Variants in CYP39A1 observed in about 807,000 individuals in gnomAD.
CYP39A1 encodes the protein cytochrome P450 family 39 subfamily A member 1.
Under a neutral mutation model 58.1 loss-of-function variants are expected in CYP39A1, and 49 were observed. That is an observed-to-expected ratio of 0.84 (90% CI 0.67 to 1.07). The LOEUF is 1.07. CYP39A1 is among the 50% of genes least tolerant of loss of function. The pLI, the probability that CYP39A1 is intolerant of heterozygous loss-of-function variation, is 0.00. For missense variants in CYP39A1, 531 were observed against 539.4 expected, an observed-to-expected ratio of 0.98 and a Z score of 0.16; for synonymous variants, 209 against 187.6, an observed-to-expected ratio of 1.11 and a Z score of -0.93.
At chr6:46,651,914 C>T (rs921628773) in intron 1 of CYP39A1, among the ~76,000 whole-genome samples, 24 of 152,072 alleles carry the variant, frequency 1.6e-4, no homozygotes, top group African/African-American at 4.8e-4. Context: ...CTCTTCAGGC[C>T]GTAGTGAAAA....
Position 46,652,547 on chromosome 6 carries a change from C to T in CYP39A1, c.36G>A (p.Leu12=), listed in dbSNP as rs767749619. The T allele has an allele frequency of 3.1e-6, 5 of 1,610,580 alleles. No homozygotes were observed. The South Asian group carries it at 4.4e-5, about 14-fold the overall frequency. ...GGAGTAAGAACAGAGCAAGGCAACCCAGGATTATAATCACTGTTGGGGAAA... is the reference window on the plus strand; with the variant it reads ...GGAGTAAGAACAGAGCAAGGCAACCTAGGATTATAATCACTGTTGGGGAAA... The part of the protein sequence containing the change: ...ELISPTVIII[L]GCLALFLLLQ... The change falls in exon 1 of 12, where the codon CTG becomes CTA. Residue 12 remains leucine (L), a synonymous_variant. Coordinates refer to ENST00000275016, the MANE Select transcript of CYP39A1 (RefSeq NM_016593.5).
chr6:46,594,414 A>G (rs1773019482), intron 8 of CYP39A1, among the ~76,000 whole-genome samples: 1 of 152,126 alleles, frequency 6.6e-6, no homozygotes, highest in Admixed American at 6.6e-5. Flanking sequence ...AAAATATATT[A>G]TAAAGCTACA....
At chr6:46,634,251 G>A (rs1406787610) in intron 5 of CYP39A1, among the ~76,000 whole-genome samples, 1 of 152,076 alleles carries the variant, frequency 6.6e-6, no homozygotes, top group African/African-American at 2.4e-5. Flanking sequence ...CTCTCCTTTT[G>A]CCTGCCACCA....
At chr6:46,587,893 C>A in intron 9 of CYP39A1, 141 bp downstream of exon 9, 1 of 495,000 alleles carries the variant, frequency 2.0e-6, no homozygotes, top group Non-Finnish European at 3.5e-6. Context: ...CTGTTCTGTA[C>A]TTTGTAGTCA....
intron 7 of CYP39A1, among the ~76,000 whole-genome samples, chr6:46,615,584 C>T (rs73735801): frequency 0.053 from 8,046 of 151,638 alleles, 450 homozygotes; most frequent in African/African-American, 0.14. Flanking sequence ...TGCTCATCCT[C>T]TTTTTTTTAT....
intron 7 of CYP39A1, among the ~76,000 whole-genome samples, chr6:46,618,498 A>G (rs1582412982): frequency 6.6e-6 from 1 of 152,154 alleles, no homozygotes; most frequent in African/African-American, 2.4e-5. Context: ...CAGATCATCA[A>G]TGATTTGGTA....
At chr6:46,571,385 T>C (rs1412643887) in intron 10 of CYP39A1, among the ~76,000 whole-genome samples, 1 of 152,158 alleles carries the variant, frequency 6.6e-6, no homozygotes, top group East Asian at 1.9e-4. Context: ...TAATATTTGC[T>C]TTGTATATTC....
chr6:46,568,353 CTTT>C (rs1489744016), intron 10 of CYP39A1, among the ~76,000 whole-genome samples: 2 of 151,898 alleles, frequency 1.3e-5, no homozygotes, highest in African/African-American at 2.4e-5. Flanking sequence ...TGTGTGTTGC[CTTT>C]TTGTTTTGTT....
chr6:46,617,304 A>G (rs960540572), intron 7 of CYP39A1, among the ~76,000 whole-genome samples: 5 of 152,192 alleles, frequency 3.3e-5, no homozygotes, highest in Non-Finnish European at 5.9e-5. Context: ...GAATTAAATC[A>G]TATTCAGTGT....
intron 10 of CYP39A1, among the ~76,000 whole-genome samples, chr6:46,575,918 C>T (rs937130855): frequency 6.6e-6 from 1 of 152,118 alleles, no homozygotes; most frequent in African/African-American, 2.4e-5. Flanking sequence ...TCCATTCTCA[C>T]GTTGATATAA....
intron 7 of CYP39A1, among the ~76,000 whole-genome samples, chr6:46,601,635 T>C (rs1030069502): frequency 7.3e-5 from 11 of 151,654 alleles, no homozygotes; most frequent in African/African-American, 2.7e-4. Context: ...CTTACCACTA[T>C]AATTGGCATG....
At chr6:46,595,596 G>T (rs1453754745) in intron 8 of CYP39A1, among the ~76,000 whole-genome samples, 5 of 151,780 alleles carry the variant, frequency 3.3e-5, no homozygotes, top group African/African-American at 1.2e-4. Context: ...TAAAGAAGGG[G>T]TGGAGGAGGA....
intron 1 of CYP39A1, among the ~76,000 whole-genome samples, chr6:46,651,411 T>C (rs1330366367): frequency 6.6e-6 from 1 of 152,226 alleles, no homozygotes; most frequent in Non-Finnish European, 1.5e-5. Context: ...CATTATATGT[T>C]AAAATCAAAA....
chr6:46,552,287 T>C (rs910063938), intron 11 of CYP39A1, among the ~76,000 whole-genome samples: 7 of 152,286 alleles, frequency 4.6e-5, no homozygotes, highest in Admixed American at 6.5e-5. Flanking sequence ...AGCCTGACCC[T>C]GATGTTCATT....
chr6:46,620,270 G>A (rs1232308809), intron 7 of CYP39A1, among the ~76,000 whole-genome samples: 48 of 152,056 alleles, frequency 3.2e-4, no homozygotes, highest in Admixed American at 3.1e-3. Flanking sequence ...CAACAAGGTT[G>A]GAACTTCTTC....
chr6:46,623,740 T>C (rs1775121101), intron 7 of CYP39A1, among the ~76,000 whole-genome samples: 1 of 152,172 alleles, frequency 6.6e-6, no homozygotes, highest in Middle Eastern at 3.2e-3. Context: ...ATCCTTTGTA[T>C]GGACACATGG....
chr6:46,552,579 C>A (rs1268211768), intron 11 of CYP39A1, among the ~76,000 whole-genome samples: 1 of 152,160 alleles, frequency 6.6e-6, no homozygotes, highest in Admixed American at 6.5e-5. Flanking sequence ...AATCAAAGCA[C>A]AAAACGCTAT....
chr6:46,642,384 G>T, intron 1 of CYP39A1, 86 bp from the exon 2 acceptor site: 1 of 1,323,044 alleles, frequency 7.6e-7, no homozygotes, highest in Non-Finnish European at 1.0e-6. Context: ...TAATGCTGAA[G>T]TTATAGTCAA....
chr6:46,631,376 T>C (rs1377175473), intron 5 of CYP39A1, among the ~76,000 whole-genome samples: 1 of 152,192 alleles, frequency 6.6e-6, no homozygotes, highest in East Asian at 1.9e-4. Flanking sequence ...CCATAAAATG[T>C]TCATAATATG....
Sources: gnomAD v4.1 joint callset for allele counts (sites outside exome capture counted in the v4.1 genomes callset) on GRCh38, gnomAD v4.1.1 for gene constraint, MANE v1.5 for transcripts, NCBI Gene and HGNC (gene_info 2026-07-23, HGNC 2026-07-21) for gene names.